Variants in ATM observed in about 807,000 individuals in gnomAD.
ATM encodes ATM serine/threonine kinase.
In ATM, 308 loss-of-function variants were observed where a neutral mutation model predicts 387.0. The observed-to-expected ratio is 0.80, with a 90% CI of 0.73 to 0.87. ATM has a LOEUF of 0.87. Among genes scored for constraint, ATM ranks in the 40% least tolerant of loss-of-function variants. The pLI is 0.00. For synonymous variants in ATM, 1,156 were observed against 1,187.3 expected, an observed-to-expected ratio of 0.97 and a Z score of 0.54; for missense variants, 3,312 against 3,560.9, an observed-to-expected ratio of 0.93 and a Z score of 1.78.
chr11:108,346,714 C>T (rs1420527640), intron 58 of ATM: 1 of 156,600 alleles, frequency 6.4e-6, no homozygotes, highest in Non-Finnish European at 1.4e-5. Context: ...TGATTCCCTA[C>T]CCAGTGTGTT....
rs761257154 is a variant in ATM at position 108,304,793 on chromosome 11, G to A, written c.5615G>A (p.Ser1872Asn). Reference protein sequence around the residue: ...LSTHVQGFFTSCLRHFSQTSR... With the variant: ...LSTHVQGFFTNCLRHFSQTSR... ...ACACATGTTCAGGGATTTTTCACCA[G>A]CTGTCTTCGACACTTCTCGCAAACG... is the stretch of plus-strand genomic sequence containing the variant. The change falls in exon 37 of 63, where the codon AGC becomes AAC. Residue 1872 changes from serine to asparagine, a missense_variant. This residue lies in a region of ATM where 1,405 missense variants were observed against 1,604.4 expected (regional missense o/e 0.88). Transcript: ENST00000675843. The A allele has an allele frequency of 1.2e-6, 2 of 1,613,824 alleles. No individual in the cohort carries two copies. Among genetic ancestry groups the A allele is most frequent in the Non-Finnish European group, 1.7e-6 (2 of 1,179,984 alleles).
At position 108,256,217 on chromosome 11, in the gene ATM, T is replaced by C. The variant is rs56252953; in HGVS notation, c.2127T>C (p.Ile709=). 508 of 1,603,762 alleles carry C rather than the reference T, an allele frequency of 3.2e-4. 3 individuals carry two copies. The East Asian group carries it at 0.011, about 34-fold the overall frequency. ...TTTTATTTGTGGTTTACTTTAAGATTACAAATTCAGAAACTCTTGTCCGGT... is the reference window on the plus strand; with the variant it reads ...TTTTATTTGTGGTTTACTTTAAGATCACAAATTCAGAAACTCTTGTCCGGT... ...EQLLNNYSSE[I]TNSETLVRCS... The change falls in exon 14 of 63, where the codon ATT becomes ATC. Residue 709 remains isoleucine, a splice_region_variant and synonymous_variant. Transcript: ENST00000675843.
chr11:108,318,159 T>TG, intron 43 of ATM, among the ~76,000 whole-genome samples: 1 of 152,102 alleles, frequency 6.6e-6, no homozygotes, highest in East Asian at 1.9e-4. Flanking sequence ...CTCAGGAGTT[T>TG]GAGACCAGCC....
intron 7 of ATM, among the ~76,000 whole-genome samples, chr11:108,245,410 A>G (rs2079797218): frequency 6.6e-6 from 1 of 152,208 alleles, no homozygotes; most frequent in Non-Finnish European, 1.5e-5. Flanking sequence ...AAGATAAAAT[A>G]CGTAAATTGG....
rs876659486 is a variant in ATM at position 108,267,273 on chromosome 11, C to G, written c.2569C>G (p.Leu857Val). The part of the protein sequence containing the change: ...MEVEDQSSMN[L>V]FNDYPDSSVS... ...GGTGGAGGATCAGTCATCCATGAAT[C>G]TATTTAACGATTACCCTGATAGTAG... Residue 857 changes from leucine to valine, a missense_variant, in exon 17 of 63, where the codon CTA becomes GTA. By Grantham distance (32) the Leu-to-Val change is conservative (BLOSUM62 1). Transcript: ENST00000675843. 1.9e-6 allele frequency: 3 copies of G among 1,614,118 alleles called. No homozygotes were observed. The highest frequency in any genetic ancestry group is 1.7e-5 in the Admixed American group (1 of 60,028).
chr11:108,240,023 G>C (rs1488526711), intron 5 of ATM, among the ~76,000 whole-genome samples: 1 of 152,144 alleles, frequency 6.6e-6, no homozygotes, highest in East Asian at 1.9e-4. Context: ...AAGTCCACTG[G>C]ACACACACAG....
chr11:108,280,940 T>A (rs1428166368), intron 23 of ATM, 55 bp from the exon 24 acceptor site: 1 of 1,508,454 alleles, frequency 6.6e-7, no homozygotes, highest in East Asian at 2.3e-5. Context: ...ATTTTATAAT[T>A]GATTGTTAAA....
chr11:108,235,806 G>A lies in ATM; in HGVS notation c.468G>A (p.Trp156Ter), dbSNP rs1591475457. 1 of 1,613,822 alleles carries A rather than the reference G, an allele frequency of 6.2e-7. No individual in the cohort carries two copies. Among genetic ancestry groups the A allele is most frequent in the Non-Finnish European group, 8.5e-7 (1 of 1,179,864 alleles). The change falls in exon 5 of 63, where the codon TGG becomes TGA. Residue 156 changes from tryptophan (W) to a stop codon, truncating the protein, a stop_gained. Coordinates refer to ENST00000675843, the MANE Select transcript of ATM (RefSeq NM_000051.4). LOFTEE classifies it high-confidence loss of function. ...LKDILSVRKY[W>*]CEISQQQWLE... ...ACATTCTTTCTGTGAGAAAATACTG[G>A]TGTGAAATATCTCAGCAACAGTGGT... is the stretch of plus-strand genomic sequence containing the variant.
intron 22 of ATM, 82 bp downstream of exon 22, chr11:108,272,934 C>T: frequency 1.3e-6 from 2 of 1,564,400 alleles, no homozygotes; most frequent in South Asian, 1.1e-5. Flanking sequence ...CTCACAGTTG[C>T]AATATTAAAA....
intron 45 of ATM, among the ~76,000 whole-genome samples, chr11:108,325,054 T>G (rs987261115): frequency 3.9e-5 from 6 of 152,104 alleles, no homozygotes; most frequent in African/African-American, 1.4e-4. Context: ...AATGTCAGAG[T>G]ATTAAAAATT....
At chr11:108,310,067 G>A in intron 38 of ATM, 93 bp from the exon 39 acceptor site, 1 of 1,330,326 alleles carries the variant, frequency 7.5e-7, no homozygotes, top group Non-Finnish European at 1.0e-6. Flanking sequence ...TTTCTGTTAA[G>A]CAGTCACTAC....
At chr11:108,320,216 C>T (rs1408914171) in intron 44 of ATM, among the ~76,000 whole-genome samples, 158 bp downstream of exon 44, 2 of 152,208 alleles carry the variant, frequency 1.3e-5, no homozygotes, top group Non-Finnish European at 1.5e-5. Context: ...CTCTGCCCTC[C>T]TTCAAAACAA....
chr11:108,360,338 T>C (rs1349534887), intron 61 of ATM, among the ~76,000 whole-genome samples: 1 of 151,816 alleles, frequency 6.6e-6, no homozygotes, highest in Admixed American at 6.6e-5. Flanking sequence ...CAGGACCAGA[T>C]GGATTCACAG....
At chr11:108,258,405 T>G (rs1464673345) in intron 15 of ATM, among the ~76,000 whole-genome samples, 2 of 152,192 alleles carry the variant, frequency 1.3e-5, no homozygotes, top group African/African-American at 4.8e-5. Flanking sequence ...TAATAAAAAT[T>G]TTTTGACCCA....
At chr11:108,277,353 C>A (rs553108758) in intron 22 of ATM, among the ~76,000 whole-genome samples, 1 of 152,274 alleles carries the variant, frequency 6.6e-6, no homozygotes, top group African/African-American at 2.4e-5. Context: ...CTGGCTTCAG[C>A]CCCCTTTCTA....
intron 37 of ATM, among the ~76,000 whole-genome samples, chr11:108,305,195 G>GA (rs2135949618): frequency 6.6e-6 from 1 of 152,284 alleles, no homozygotes; most frequent in South Asian, 2.1e-4. Flanking sequence ...TCTAGCAATG[G>GA]AAAAAACAAA....
rs143531724 is a variant in ATM, at chr11:108,366,059, T to C, written c.*551T>C. ...AAAAAAAAAAAAAAACAGAAACGTA[T>C]TTGGATTTTTCCTAGTAAGATCACT... On this transcript the variant is annotated 3_prime_UTR_variant, in exon 63 of 63. Transcript: ENST00000675843. 5,275 of 183,470 alleles carry C rather than the reference T, an allele frequency of 0.029. 119 individuals carry two copies. Among genetic ancestry groups the C allele is most frequent in the Non-Finnish European group, 0.043 (3,739 of 86,816 alleles). The allele number at this position is 183,470 out of a possible 1,614,324, so 11.4% of individuals were successfully genotyped here.
intron 56 of ATM, among the ~76,000 whole-genome samples, chr11:108,339,803 G>C (rs2087303697): frequency 6.6e-6 from 1 of 152,112 alleles, no homozygotes; most frequent in Non-Finnish European, 1.5e-5. Flanking sequence ...TTTAGACAGA[G>C]TACACTACAC....
At chr11:108,329,414 T>TG (rs1326530022) in intron 49 of ATM, 176 bp downstream of exon 49, 439 of 507,572 alleles carry the variant, frequency 8.6e-4, no homozygotes, top group Middle Eastern at 3.8e-3. Context: ...TTGTTTTTTG[T>TG]TTTTTTTTTT....
Sources: allele counts gnomAD v4.1 joint callset (sites outside exome capture counted in the v4.1 genomes callset), GRCh38; gene constraint gnomAD v4.1.1; regional missense constraint gnomAD v4.1.1; transcripts MANE v1.5; gene names NCBI Gene and HGNC (gene_info 2026-07-23, HGNC 2026-07-21).